Variants in AOX1 observed in about 807,000 individuals in gnomAD.
The protein encoded by AOX1 is aldehyde oxidase.
Under a neutral mutation model 169.5 loss-of-function variants are expected in AOX1, and 153 were observed. The observed-to-expected ratio is 0.90, with a 90% confidence interval of 0.79 to 1.03. The LOEUF (loss-of-function observed/expected upper bound fraction) is 1.03. Ranked by LOEUF, AOX1 falls within the 50% of genes least tolerant of loss-of-function variation. The pLI is 0.00. For synonymous variants in AOX1, 562 were observed against 581.9 expected (o/e 0.97, Z 0.49); for missense variants, 1,656 against 1,663.9 (o/e 1.00, Z 0.08).
rs372488133 is a variant in AOX1 at position 200,662,846 on chromosome 2, T to C, written c.3429-9T>C. 3 of 1,611,694 alleles carry C rather than the reference T, an allele frequency of 1.9e-6. No homozygotes were observed. The highest frequency in any genetic ancestry group is 1.3e-5 in the African/African-American group (1 of 74,876). On this transcript the variant is annotated splice_polypyrimidine_tract_variant and intron_variant, in intron 30 of 34. Coordinates refer to ENST00000374700, the MANE Select transcript of AOX1 (RefSeq NM_001159.4). ...GTGATCACTTAACAACACTCACTGT[T>C]TCTTCCAGAGGTTATGAGTCAGACA...
At chr2:200,681,617 T>G (rs1243214340), downstream of AOX1, 1 of 152,340 alleles carries the variant, frequency 6.6e-6, no homozygotes, top group Non-Finnish European at 1.5e-5. Context: ...ATCTTTATGA[T>G]TCACACCTCT....
At chr2:200,612,551 C>G in intron 13 of AOX1, 58 bp from the exon 14 acceptor site, 1 of 1,555,478 alleles carries the variant, frequency 6.4e-7, no homozygotes, top group Non-Finnish European at 8.8e-7. Flanking sequence ...ACACAGACTG[C>G]CCAGTGCATA....
At chr2:200,605,810 T>G (rs977206932) in intron 10 of AOX1, among the ~76,000 whole-genome samples, 182 bp downstream of exon 10, 3 of 152,226 alleles carry the variant, frequency 2.0e-5, no homozygotes, top group Non-Finnish European at 2.9e-5. Context: ...TCTGTTCATA[T>G]CCTTTGCCCA....
intron 13 of AOX1, among the ~76,000 whole-genome samples, chr2:200,611,830 G>A (rs1056585922): frequency 4.0e-5 from 6 of 151,408 alleles, no homozygotes; most frequent in African/African-American, 1.2e-4. Context: ...TCAGCCTCCC[G>A]AGTAGCTGGG....
At chr2:200,641,484 A>T (rs1273664263) in intron 24 of AOX1, among the ~76,000 whole-genome samples, 1 of 151,976 alleles carries the variant, frequency 6.6e-6, no homozygotes, top group East Asian at 1.9e-4. Flanking sequence ...GTAGCTCTTT[A>T]TGGTGGGGAC....
chr2:200,669,457 A>C, intron 33 of AOX1, 118 bp from the exon 34 acceptor site: 2 of 1,224,284 alleles, frequency 1.6e-6, no homozygotes, highest in Non-Finnish European at 2.3e-6. Flanking sequence ...TCTCAAAAAA[A>C]AAAAAATGTA....
chr2:200,603,915 G>C lies in AOX1; in HGVS notation c.589-102G>C, dbSNP rs10183589. 3.2e-3 allele frequency: 2,471 copies of C among 779,372 alleles called. 54 individuals are homozygous for C. In the African/African-American group the frequency reaches 0.037, roughly 12 times the overall value. 48.3% of individuals were successfully genotyped at this position (779,372 alleles called of 1,614,324 possible). The stretch of plus-strand genomic sequence containing the variant: ...TGGCTGGCCAGTGGACTTTTTTGTC[G>C]GTTTGCTGTATCTGACTGTGTATCT... On this transcript the variant is annotated intron_variant, in intron 7 of 34. Coordinates refer to ENST00000374700, the MANE Select transcript of AOX1 (RefSeq NM_001159.4).
At chr2:200,640,054 A>G (rs1461333050) in intron 23 of AOX1, among the ~76,000 whole-genome samples, 4 of 149,346 alleles carry the variant, frequency 2.7e-5, no homozygotes, top group Non-Finnish European at 3.0e-5. Flanking sequence ...AAAAAAAAAA[A>G]GAATGGATAG....
chr2:200,625,919 A>G (rs1162236628), intron 19 of AOX1, among the ~76,000 whole-genome samples: 1 of 152,190 alleles, frequency 6.6e-6, no homozygotes, highest in African/African-American at 2.4e-5. Flanking sequence ...TCGAGTTTTT[A>G]GTAGATTGAA....
intron 20 of AOX1, among the ~76,000 whole-genome samples, chr2:200,629,834 A>G (rs1330493031): frequency 6.6e-6 from 1 of 152,120 alleles, no homozygotes; most frequent in Non-Finnish European, 1.5e-5. Flanking sequence ...TTAATTATCT[A>G]ATTCAATTAG....
chr2:200,586,020 C>A lies in AOX1; in HGVS notation c.-89C>A, dbSNP rs1490132991. 3 of 1,446,254 alleles carry A rather than the reference C, an allele frequency of 2.1e-6. No homozygotes were observed. The South Asian group carries it at 3.7e-5, about 18-fold the overall frequency. 89.6% of individuals were successfully genotyped at this position (1,446,254 alleles called of 1,614,324 possible). ...CTCCAGCAAGCCCCGCCCCACTCGGCGGGTCGGTGCCGCCGGGTCCCAGGT... is the reference window on the plus strand; with the variant it reads ...CTCCAGCAAGCCCCGCCCCACTCGGAGGGTCGGTGCCGCCGGGTCCCAGGT... On this transcript the variant is annotated 5_prime_UTR_variant, in exon 1 of 35. Transcript: ENST00000374700.
intron 15 of AOX1, among the ~76,000 whole-genome samples, 161 bp from the exon 16 acceptor site, chr2:200,615,809 AG>A (rs1360941866): frequency 6.6e-6 from 1 of 152,198 alleles, no homozygotes; most frequent in Admixed American, 6.5e-5. Context: ...TCCTTGAGTC[AG>A]GGAGCTGCTT....
intron 34 of AOX1, 38 bp from the exon 35 acceptor site, chr2:200,670,591 T>A (rs372865945): frequency 8.9e-6 from 14 of 1,577,270 alleles, no homozygotes; most frequent in Admixed American, 1.7e-5. Context: ...TCACAAACAT[T>A]TCCCAGGTTT....
At chr2:200,587,310 T>G (rs2034059359) in intron 1 of AOX1, among the ~76,000 whole-genome samples, 1 of 152,016 alleles carries the variant, frequency 6.6e-6, no homozygotes, top group Admixed American at 6.6e-5. Context: ...AAAACAGAGC[T>G]AACAACCAAG....
intron 23 of AOX1, among the ~76,000 whole-genome samples, chr2:200,640,036 C>CA (rs547926062): frequency 0.13 from 8,680 of 67,360 alleles, 729 homozygotes; most frequent in East Asian, 0.38. Flanking sequence ...GACTCCATCT[C>CA]AAAAAAAAAA....
intron 26 of AOX1, among the ~76,000 whole-genome samples, chr2:200,655,753 G>A (rs2035669728): frequency 6.6e-6 from 1 of 152,122 alleles, no homozygotes; most frequent in African/African-American, 2.4e-5. Context: ...TAAAGAGACA[G>A]TTCTCCAAGC....
chr2:200,667,109 G>A (rs1181633088), intron 32 of AOX1, among the ~76,000 whole-genome samples: 1 of 152,194 alleles, frequency 6.6e-6, no homozygotes, highest in African/African-American at 2.4e-5. Context: ...GTTTGAAGTC[G>A]TGTTGGGATA....
chr2:200,631,380 T>C (rs1198125189), intron 20 of AOX1, among the ~76,000 whole-genome samples: 4 of 152,198 alleles, frequency 2.6e-5, no homozygotes, highest in African/African-American at 9.7e-5. Flanking sequence ...CAGAGAACAA[T>C]CTGTATAAAA....
intron 20 of AOX1, among the ~76,000 whole-genome samples, chr2:200,631,948 A>G (rs2035136512): frequency 6.6e-6 from 1 of 152,098 alleles, no homozygotes; most frequent in South Asian, 2.1e-4. Context: ...AGTGAAGCAG[A>G]ATCTATTCAT....
Sources: gnomAD v4.1 joint callset for allele counts (sites outside exome capture counted in the v4.1 genomes callset) on GRCh38, gnomAD v4.1.1 for gene constraint, MANE v1.5 for transcripts, NCBI Gene and HGNC (gene_info 2026-07-23, HGNC 2026-07-21) for gene names.